Variants in PIBF1 observed in about 807,000 individuals in gnomAD.
PIBF1 encodes the protein progesterone-induced-blocking factor 1.
A neutral mutation model predicts 112.5 loss-of-function variants in PIBF1; 90 were observed. The observed-to-expected ratio is 0.80, with a 90% CI of 0.67 to 0.95. The LOEUF is 0.95. PIBF1 is among the 40% of genes least tolerant of loss of function. PIBF1 has a pLI of 0.00. For missense variants in PIBF1, 915 were observed against 852.3 expected, an observed-to-expected ratio of 1.07 and a Z score of -0.92; for synonymous variants, 301 against 288.6, an observed-to-expected ratio of 1.04 and a Z score of -0.44.
chr13:72,928,567 G>A (rs758471419), intron 13 of PIBF1, among the ~76,000 whole-genome samples: 1 of 152,124 alleles, frequency 6.6e-6, no homozygotes, highest in African/African-American at 2.4e-5. Context: ...AGCCTCCTCA[G>A]TTGCTGGGAT....
intron 16 of PIBF1, among the ~76,000 whole-genome samples, chr13:72,996,796 C>A (rs2043688324): frequency 1.3e-5 from 2 of 151,826 alleles, no homozygotes; most frequent in African/African-American, 4.8e-5. Context: ...GTGGAATTTT[C>A]TTGGTTCAAA....
At chr13:72,884,566 T>TA (rs1219925788) in intron 10 of PIBF1, 2 of 152,138 alleles carry the variant, frequency 1.3e-5, no homozygotes, top group African/African-American at 4.8e-5. Context: ...TGTTAAAAAT[T>TA]AGAGTTTGTT....
Position 72,893,892 on chromosome 13 carries a change from A to G in PIBF1, c.1431A>G (p.Thr477=). ...GTGTTCAACTTCTGCAAGAGGAAAC[A>G]GCAAGAAATCTCACACAGTGTCAAT... ...SERVQLLQEE[T]ARNLTQCQLE... The change falls in exon 11 of 18, where the codon ACA becomes ACG. Residue 477 remains threonine (T), a synonymous_variant. Transcript: ENST00000326291. The G allele has an allele frequency of 1.9e-6, 3 of 1,609,912 alleles. No homozygotes were observed. The highest frequency in any genetic ancestry group is 1.7e-4 in the Middle Eastern group (1 of 6,036).
At chr13:72,858,682 T>C (rs1236742901) in intron 10 of PIBF1, among the ~76,000 whole-genome samples, 1 of 152,214 alleles carries the variant, frequency 6.6e-6, no homozygotes, top group Non-Finnish European at 1.5e-5. Flanking sequence ...CTCATACATA[T>C]TGAAACTTAC....
At chr13:72,918,551 C>T (rs2041181228) in intron 13 of PIBF1, among the ~76,000 whole-genome samples, 1 of 151,710 alleles carries the variant, frequency 6.6e-6, no homozygotes, top group South Asian at 2.1e-4. Context: ...CCACACCCTG[C>T]TAATTTTTGT....
intron 5 of PIBF1, among the ~76,000 whole-genome samples, chr13:72,804,978 T>G (rs1007767521): frequency 6.6e-6 from 1 of 152,096 alleles, no homozygotes; most frequent in Non-Finnish European, 1.5e-5. Context: ...AGTTACTAAA[T>G]TTTTTCTTTT....
intron 10 of PIBF1, among the ~76,000 whole-genome samples, chr13:72,892,167 G>A (rs976070298): frequency 6.6e-6 from 1 of 151,954 alleles, no homozygotes; most frequent in African/African-American, 2.4e-5. Flanking sequence ...GAATTTTATG[G>A]TATATGAATT....
At chr13:72,811,336 C>T (rs2035999880) in intron 5 of PIBF1, among the ~76,000 whole-genome samples, 2 of 152,134 alleles carry the variant, frequency 1.3e-5, no homozygotes, top group Non-Finnish European at 2.9e-5. Context: ...GGCACCATGA[C>T]TCACTGCTAT....
At chr13:72,836,467 A>G (rs940507120) in intron 9 of PIBF1, among the ~76,000 whole-genome samples, 62 of 152,116 alleles carry the variant, frequency 4.1e-4, no homozygotes, top group Non-Finnish European at 8.2e-4. Flanking sequence ...CAATTCCAGG[A>G]AAAAAAAGCT....
intron 5 of PIBF1, among the ~76,000 whole-genome samples, chr13:72,807,073 C>T (rs184816346): frequency 8.6e-5 from 13 of 150,292 alleles, no homozygotes; most frequent in East Asian, 3.9e-4. Flanking sequence ...TAAATAGATA[C>T]CTGAATTGCT....
chr13:72,985,176 C>T (rs2043245004), intron 16 of PIBF1, among the ~76,000 whole-genome samples: 1 of 151,760 alleles, frequency 6.6e-6, no homozygotes, highest in Non-Finnish European at 1.5e-5. Context: ...AGGAGACACA[C>T]ACACAAAAAA....
intron 13 of PIBF1, among the ~76,000 whole-genome samples, chr13:72,918,649 C>G (rs2041184364): frequency 6.6e-6 from 1 of 152,000 alleles, no homozygotes; most frequent in East Asian, 1.9e-4. Context: ...CTGCCTCGGC[C>G]TTCCAAAGTG....
intron 9 of PIBF1, among the ~76,000 whole-genome samples, chr13:72,853,340 A>G (rs1351404090): frequency 6.6e-6 from 1 of 152,146 alleles, no homozygotes; most frequent in Non-Finnish European, 1.5e-5. Context: ...CCCTACATGA[A>G]TATTGACCTT....
rs776485169 is a variant in PIBF1, at chr13:72,917,119, C to T, written c.1683C>T (p.Gly561=). Residue 561 remains glycine (G), a synonymous_variant, in exon 13 of 18, where the codon GGC becomes GGT. Transcript: ENST00000326291. The part of the protein sequence containing the change: ...DEAERVLFSY[G]YGANVPTTAK... ...CTGAAAGGGTTCTTTTTTCCTACGG[C>T]TATGGTGCTAATGTTCCCACAACAG... The T allele has an allele frequency of 6.3e-7, 1 of 1,599,604 alleles. No homozygotes were observed. The highest frequency in any genetic ancestry group is 8.5e-7 in the Non-Finnish European group (1 of 1,172,846).
At chr13:72,815,778 A>T (rs999721976) in intron 5 of PIBF1, among the ~76,000 whole-genome samples, 1 of 152,094 alleles carries the variant, frequency 6.6e-6, no homozygotes, top group Non-Finnish European at 1.5e-5. Flanking sequence ...CCATTCTCCC[A>T]CATCAGCCGC....
intron 12 of PIBF1, among the ~76,000 whole-genome samples, chr13:72,910,237 G>T (rs922734258): frequency 2.6e-5 from 4 of 152,152 alleles, no homozygotes; most frequent in Non-Finnish European, 5.9e-5. Flanking sequence ...TGGAGTCAAA[G>T]TAATCTTTGT....
chr13:73,013,731 C>CAAAAAAAAAA (rs113104076), intron 17 of PIBF1, among the ~76,000 whole-genome samples: 2 of 113,072 alleles, frequency 1.8e-5, no homozygotes, highest in Non-Finnish European at 3.8e-5. Flanking sequence ...GAGCCTATCT[C>CAAAAAAAAAA]AAAAAAAAAA....
chr13:72,972,699 A>G (rs2042927801), intron 15 of PIBF1, among the ~76,000 whole-genome samples: 1 of 152,222 alleles, frequency 6.6e-6, no homozygotes, highest in African/African-American at 2.4e-5. Context: ...ATTTAAAACA[A>G]TTCTTGTTAG....
intron 4 of PIBF1, among the ~76,000 whole-genome samples, chr13:72,797,671 T>C (rs965054090): frequency 8.5e-5 from 13 of 152,114 alleles, no homozygotes; most frequent in East Asian, 3.9e-4. Context: ...GGAGTGTCAG[T>C]AGAAGGGAGG....
Sources: allele counts gnomAD v4.1 joint callset (sites outside exome capture counted in the v4.1 genomes callset), GRCh38; gene constraint gnomAD v4.1.1; transcripts MANE v1.5; gene names NCBI Gene and HGNC (gene_info 2026-07-23, HGNC 2026-07-21).